The following PRH2 variants were observed in gnomAD, a reference collection of about 807,000 sequenced individuals.
PRH2 encodes salivary acidic proline-rich phosphoprotein 1/2.
In PRH2, 19 loss-of-function variants were observed where a neutral mutation model predicts 22.6. The ratio of observed to expected loss-of-function variants is 0.84; its 90% CI spans 0.59 to 1.23. The LOEUF (loss-of-function observed/expected upper bound fraction) is 1.23, where lower values mean the gene tolerates loss of function less well. PRH2 is among the 50% of genes most tolerant of loss of function. The pLI, the probability that PRH2 is intolerant of heterozygous loss-of-function variation, is 0.00. For missense variants in PRH2, 109 were observed against 203.0 expected (o/e 0.54, Z 2.81); for synonymous variants, 45 against 72.0 (o/e 0.63, Z 1.90).
Position 10,934,291 on chromosome 12 carries a change from T to C in PRH2, c.*2084T>C, listed in dbSNP as rs1044905615. Among the ~76,000 whole-genome samples the C allele has an allele frequency of 6.6e-6, 1 of 152,160 alleles. No homozygotes were observed. Among genetic ancestry groups the C allele is most frequent in the African/African-American group, 2.4e-5 (1 of 41,446 alleles). ...CTCTGGCTTTCTTTCTGCTCATCTG[T>C]AAAGATAACTACAGCTCCTCTATAA... On this transcript the variant is annotated 3_prime_UTR_variant, in exon 4 of 4. Transcript: ENST00000396400.
chr12:10,930,754 C>A lies in PRH2; in HGVS notation c.193C>A (p.Gln65Lys), dbSNP rs200972880. The A allele has an allele frequency of 3.8e-5, 61 of 1,601,282 alleles. 2 individuals are homozygous for A. The highest frequency in any genetic ancestry group is 4.6e-5 in the Non-Finnish European group (54 of 1,171,680). Residue 65 changes from glutamine (Q) to lysine (K), a missense_variant, in exon 3 of 4, where the codon CAG (glutamine) becomes AAG (lysine). Gln to Lys is a moderately conservative substitution (Grantham distance 53, BLOSUM62 1). Coordinates refer to ENST00000396400, the MANE Select transcript of PRH2 (RefSeq NM_001110213.1). ...TCAACCCTCTGCTGGTGATGGGAAC[C>A]AGAATGATGGCCCTCAGCAGGGACC... ...QSQPSAGDGN[Q>K]NDGPQQGPPQ... is the part of the protein sequence containing the mutation.
rs1565477668 is a variant in PRH2 at position 10,929,316 on chromosome 12, T to G, written c.43T>G (p.Ser15Ala). ...GTCAGTGGCCCTGCTGGCCTTCAGC[T>G]CAGCTCAGGACTTAGATGAAGGTAA... Reference protein sequence around the residue: ...LLSVALLAFSSAQDLDEDVSQ... With the variant: ...LLSVALLAFSAAQDLDEDVSQ... The change falls in exon 1 of 4, where the codon TCA becomes GCA. Residue 15 changes from serine (S) to alanine (A), a missense_variant. Ser to Ala is a moderately conservative substitution (Grantham distance 99, BLOSUM62 1). Transcript: ENST00000396400. 2.7e-5 allele frequency: 43 copies of G among 1,614,154 alleles called. No individual in the cohort carries two copies. The highest frequency in any genetic ancestry group is 3.5e-5 in the Non-Finnish European group (41 of 1,180,032).
intron 3 of PRH2, among the ~76,000 whole-genome samples, chr12:10,931,335 A>G (rs1454914313): frequency 6.6e-6 from 1 of 152,160 alleles, no homozygotes; most frequent in Non-Finnish European, 1.5e-5. Flanking sequence ...AGGACATAGA[A>G]TCATGTTCTC....
At chr12:10,931,590 T>C (rs868435065) in intron 3 of PRH2, among the ~76,000 whole-genome samples, 7 of 152,318 alleles carry the variant, frequency 4.6e-5, no homozygotes, top group Admixed American at 4.6e-4. Context: ...AATAGACATG[T>C]ACCAAGCTAA....
rs775381196 is a variant in PRH2 at position 10,929,267 on chromosome 12, C to T, written c.-7C>T. ...AAGTTGGGAGTGACACCAGAGCCTT[C>T]TGCAAGATGCTTCTGATTCTGCTGT... On this transcript the variant is annotated 5_prime_UTR_variant, in exon 1 of 4. Transcript: ENST00000396400. 17 of 1,614,192 alleles carry T rather than the reference C, an allele frequency of 1.1e-5. No individual in the cohort carries two copies. The East Asian group carries it at 3.8e-4, about 36-fold the overall frequency.
At chr12:10,931,199 A>T (rs1168830630) in intron 3 of PRH2, 119 bp downstream of exon 3, 2 of 1,526,964 alleles carry the variant, frequency 1.3e-6, no homozygotes, top group African/African-American at 2.8e-5. Flanking sequence ...CACATTTCTC[A>T]TGAGTTTTGT....
rs147911411 is a variant in PRH2, at chr12:10,930,698, G to A, written c.137G>A (p.Arg46His). 1,275 of 1,613,842 alleles carry A rather than the reference G, an allele frequency of 7.9e-4. No individual in the cohort carries two copies. The highest frequency in any genetic ancestry group is 2.5e-3 in the Middle Eastern group (15 of 6,056). Residue 46 changes from arginine (R) to histidine (H), a missense_variant, in exon 3 of 4, where the codon CGT becomes CAT. Physicochemically the swap from Arg to His is conservative, Grantham distance 29. This residue lies in a region of PRH2 where 54 missense variants were observed against 60.5 expected (regional missense o/e 0.89). Transcript: ENST00000396400. Reference sequence around the variant, plus strand: ...TCTGAGCAGTTCATAGATGAGGAGCGTCAGGGACCACCTTTGGGAGGACAG... The same window carrying A: ...TCTGAGCAGTTCATAGATGAGGAGCATCAGGGACCACCTTTGGGAGGACAG... ...GDSEQFIDEE[R>H]QGPPLGGQQS...
chr12:10,932,704 C>G lies in PRH2; in HGVS notation c.*497C>G, dbSNP rs1459601720. 6.6e-6 allele frequency among the ~76,000 whole-genome samples: 1 copy of G among 152,004 alleles called. No individual in the cohort carries two copies. Among genetic ancestry groups the G allele is most frequent in the Non-Finnish European group, 1.5e-5 (1 of 67,974 alleles). The stretch of plus-strand genomic sequence containing the variant: ...CTGTATTCCCCAGAAGCCACTAGAC[C>G]TATTTTCCCCTATTTTATCACTGAT... On this transcript the variant is annotated 3_prime_UTR_variant, in exon 4 of 4. Coordinates refer to ENST00000396400, the MANE Select transcript of PRH2 (RefSeq NM_001110213.1).
At position 10,932,947 on chromosome 12, in the gene PRH2, G is replaced by C. The variant is rs534283203; in HGVS notation, c.*740G>C. ...TGAGCTCAAATAATTAAAAAAGAGA[G>C]ACAAAATACACTTGGGAGAACAGAA... On this transcript the variant is annotated 3_prime_UTR_variant, in exon 4 of 4. Coordinates refer to ENST00000396400, the MANE Select transcript of PRH2 (RefSeq NM_001110213.1). Among the ~76,000 whole-genome samples, 338 of 151,916 alleles carry C rather than the reference G, an allele frequency of 2.2e-3. 2 individuals carry two copies. The highest frequency in any genetic ancestry group is 3.7e-3 in the Admixed American group (57 of 15,246).
At position 10,930,774 on chromosome 12, in the gene PRH2, G is replaced by T; in HGVS notation, c.213G>T (p.Gln71His). 6.2e-7 allele frequency: 1 copy of T among 1,610,734 alleles called. No individual in the cohort carries two copies. The highest frequency in any genetic ancestry group is 8.5e-7 in the Non-Finnish European group (1 of 1,178,108). Residue 71 changes from glutamine to histidine, a missense_variant, in exon 3 of 4, where the codon CAG (glutamine) becomes CAT (histidine). Around this residue, in one of 4 missense-constraint regions of PRH2, gnomAD observed 14 missense variants for 31.0 expected, o/e 0.45. Transcript: ENST00000396400. The stretch of plus-strand genomic sequence containing the variant: ...GGAACCAGAATGATGGCCCTCAGCA[G>T]GGACCACCCCAACAAGGAGGCCAGC... ...GDGNQNDGPQ[Q>H]GPPQQGGQQQ...
In PRH2 at chr12:10,934,659, A is replaced by G. The variant is rs1476495562; in HGVS notation, c.*2452A>G. On this transcript the variant is annotated 3_prime_UTR_variant, in exon 4 of 4. Transcript: ENST00000396400. ...TAGGCTCAATATGAAAGTAGAAAGC[A>G]CTAAGGTGTACTAATGAATGGGCAC... Among the ~76,000 whole-genome samples, 1 of 152,094 alleles carries G rather than the reference A, an allele frequency of 6.6e-6. No individual in the cohort carries two copies. The highest frequency in any genetic ancestry group is 1.5e-5 in the Non-Finnish European group (1 of 67,992).
In PRH2 at chr12:10,934,668, T is replaced by C. The variant is rs956943213; in HGVS notation, c.*2461T>C. Among the ~76,000 whole-genome samples, 1 of 152,028 alleles carries C rather than the reference T, an allele frequency of 6.6e-6. No homozygotes were observed. The highest frequency in any genetic ancestry group is 1.5e-5 in the Non-Finnish European group (1 of 67,986). Reference sequence around the variant, plus strand: ...TATGAAAGTAGAAAGCACTAAGGTGTACTAATGAATGGGCACATAGCTTTT... The same window carrying C: ...TATGAAAGTAGAAAGCACTAAGGTGCACTAATGAATGGGCACATAGCTTTT... On this transcript the variant is annotated 3_prime_UTR_variant, in exon 4 of 4. Transcript: ENST00000396400.
Position 10,932,980 on chromosome 12 carries a change from T to C in PRH2, c.*773T>C, listed in dbSNP as rs1361588296. 6.6e-6 allele frequency among the ~76,000 whole-genome samples: 1 copy of C among 151,940 alleles called. No homozygotes were observed. Among genetic ancestry groups the C allele is most frequent in the East Asian group, 1.9e-4 (1 of 5,196 alleles). On this transcript the variant is annotated 3_prime_UTR_variant, in exon 4 of 4. Coordinates refer to ENST00000396400, the MANE Select transcript of PRH2 (RefSeq NM_001110213.1). ...ACACTTGGGAGAACAGAAATAAGAA[T>C]TAATGAAAATTTAAAAGATTAAATG...
chr12:10,930,210 T>C, intron 1 of PRH2, 59 bp from the exon 2 acceptor site: 1 of 1,570,274 alleles, frequency 6.4e-7, no homozygotes, highest in Non-Finnish European at 8.8e-7. Context: ...CGTAGAACAC[T>C]ATGAGCTCTG....
chr12:10,930,956 G>A lies in PRH2; in HGVS notation c.395G>A (p.Gly132Glu), dbSNP rs768140736. The A allele has an allele frequency of 1.9e-6, 3 of 1,602,198 alleles. No homozygotes were observed. Among genetic ancestry groups the A allele is most frequent in the Non-Finnish European group, 2.6e-6 (3 of 1,174,066 alleles). Residue 132 changes from glycine to glutamate, a missense_variant, in exon 3 of 4, where the codon GGA becomes GAA. Around this residue, in one of 4 missense-constraint regions of PRH2, gnomAD observed 41 missense variants for 93.6 expected, o/e 0.44. Coordinates refer to ENST00000396400, the MANE Select transcript of PRH2 (RefSeq NM_001110213.1). ...AGGCCACAAGGACCACCCCAACAGG[G>A]AGGCCATCAGCAAGGTCCTCCCCCA... ...RGRPQGPPQQ[G>E]GHQQGPPPPP...
At position 10,931,081 on chromosome 12, in the gene PRH2, G is replaced by A. The variant is rs375154319; in HGVS notation, c.*18+1G>A. The A allele has an allele frequency of 1.3e-6, 2 of 1,561,550 alleles. No homozygotes were observed. The highest frequency in any genetic ancestry group is 2.7e-5 in the African/African-American group (2 of 73,980). ...TCAGTAATCTAGGATTCAATGATAG[G>A]TATGATTCCAGTTTATTATCCATCA... is the stretch of plus-strand genomic sequence containing the variant. On this transcript the variant is annotated splice_donor_variant, in intron 3 of 3. Transcript: ENST00000396400. LOFTEE classifies it low-confidence loss of function (3UTR_SPLICE).
chr12:10,929,666 C>T (rs1336636556), intron 1 of PRH2, among the ~76,000 whole-genome samples: 2 of 152,148 alleles, frequency 1.3e-5, no homozygotes, highest in Non-Finnish European at 2.9e-5. Context: ...CTATACTGAT[C>T]CCAGTAGACA....
chr12:10,932,339 CCTT>C lies in PRH2; in HGVS notation c.*135_*137del, dbSNP rs1950225987. On this transcript the variant is annotated 3_prime_UTR_variant, in exon 4 of 4. Coordinates refer to ENST00000396400, the MANE Select transcript of PRH2 (RefSeq NM_001110213.1). Reference sequence around the variant, plus strand: ...CTTGCAATTTCTGATTATAGCATCTCCTTCTGAGTGTTTGGGACTCTGGAATCT... The same window carrying C: ...CTTGCAATTTCTGATTATAGCATCTCCTGAGTGTTTGGGACTCTGGAATCT... The C allele has an allele frequency of 1.5e-5, 5 of 329,382 alleles. No individual in the cohort carries two copies. The highest frequency in any genetic ancestry group is 1.3e-4 in the Admixed American group (5 of 39,362). 20.4% of individuals were successfully genotyped at this position (329,382 alleles called of 1,614,324 possible).
chr12:10,934,414 C>T lies in PRH2; in HGVS notation c.*2207C>T, dbSNP rs759480699. Among the ~76,000 whole-genome samples the T allele has an allele frequency of 6.6e-6, 1 of 152,014 alleles. No homozygotes were observed. The highest frequency in any genetic ancestry group is 2.4e-5 in the African/African-American group (1 of 41,396). On this transcript the variant is annotated 3_prime_UTR_variant, in exon 4 of 4. Coordinates refer to ENST00000396400, the MANE Select transcript of PRH2 (RefSeq NM_001110213.1). ...TTTCACATCTTGACCCAGTCAATTC[C>T]GTTCACCAGTGTTATGAATCCATTC...
Sources: gnomAD v4.1 joint callset for allele counts (sites outside exome capture counted in the v4.1 genomes callset) on GRCh38, gnomAD v4.1.1 for gene constraint, gnomAD v4.1.1 regional missense constraint, MANE v1.5 for transcripts, NCBI Gene and HGNC (gene_info 2026-07-23, HGNC 2026-07-21) for gene names.